Variants in SPOCK3 observed in about 807,000 individuals in gnomAD.
SPOCK3 encodes testican-3.
A neutral mutation model predicts 56.6 loss-of-function variants in SPOCK3; 30 were observed. The observed-to-expected ratio is 0.53, with a 90% confidence interval of 0.40 to 0.72. The LOEUF is 0.72. SPOCK3 is among the 30% of genes least tolerant of loss of function. The pLI is 0.00. For missense variants in SPOCK3, 527 were observed against 530.0 expected (o/e 0.99, Z 0.06); for synonymous variants, 196 against 183.3 (o/e 1.07, Z -0.56).
chr4:166,927,409 G>A (rs779701334), intron 4 of SPOCK3, among the ~76,000 whole-genome samples: 4 of 152,150 alleles, frequency 2.6e-5, no homozygotes, highest in Non-Finnish European at 4.4e-5. Flanking sequence ...CTGCCACCAC[G>A]TAAGGAGTGC....
chr4:166,823,024 A>C (rs62353201), intron 6 of SPOCK3, among the ~76,000 whole-genome samples: 10,844 of 152,156 alleles, frequency 0.071, 511 homozygotes, highest in Non-Finnish European at 0.1. Flanking sequence ...ATGTGACTGG[A>C]GTTGATATTC....
chr4:166,989,688 C>T (rs200553998), intron 4 of SPOCK3, among the ~76,000 whole-genome samples: 6 of 152,206 alleles, frequency 3.9e-5, no homozygotes, highest in Admixed American at 6.6e-5. Context: ...TCCCATCACA[C>T]GCCTCTATTA....
intron 4 of SPOCK3, among the ~76,000 whole-genome samples, chr4:166,950,105 T>C (rs1467160257): frequency 1.3e-5 from 2 of 151,028 alleles, no homozygotes; most frequent in African/African-American, 4.9e-5. Context: ...TAAATGTAAA[T>C]GGACTAAATG....
chr4:167,109,974 T>G (rs564607208), intron 2 of SPOCK3, among the ~76,000 whole-genome samples: 1 of 152,160 alleles, frequency 6.6e-6, no homozygotes, highest in Admixed American at 6.6e-5. Context: ...TAGCCTGAAC[T>G]TACATTTCTT....
intron 8 of SPOCK3, among the ~76,000 whole-genome samples, chr4:166,743,305 G>T (rs1172118006): frequency 6.6e-6 from 1 of 151,862 alleles, no homozygotes; most frequent in Admixed American, 6.6e-5. Context: ...TAATTTAAAT[G>T]TTTTTAAAAT....
chr4:167,171,903 A>AC (rs1052589699), intron 2 of SPOCK3, among the ~76,000 whole-genome samples: 62 of 151,418 alleles, frequency 4.1e-4, no homozygotes, highest in African/African-American at 1.5e-3. Flanking sequence ...GAAGATTACC[A>AC]CCCCCCACTC....
intron 5 of SPOCK3, among the ~76,000 whole-genome samples, chr4:166,906,231 A>T (rs1336838191): frequency 6.6e-6 from 1 of 152,124 alleles, no homozygotes; most frequent in Non-Finnish European, 1.5e-5. Context: ...TACTAAAGAC[A>T]GAAACAGACC....
At chr4:167,037,130 C>G (rs1402656407) in intron 3 of SPOCK3, among the ~76,000 whole-genome samples, 1 of 152,112 alleles carries the variant, frequency 6.6e-6, no homozygotes, top group Non-Finnish European at 1.5e-5. Context: ...TTGCCATCCT[C>G]AAAAGTAGGG....
chr4:167,217,554 C>A (rs890404131), intron 2 of SPOCK3, among the ~76,000 whole-genome samples: 1 of 151,912 alleles, frequency 6.6e-6, no homozygotes, highest in African/African-American at 2.4e-5. Flanking sequence ...GGTATCTCTC[C>A]TGGTGGGGGT....
At chr4:166,841,422 T>C (rs1345519682) in intron 6 of SPOCK3, among the ~76,000 whole-genome samples, 1 of 152,138 alleles carries the variant, frequency 6.6e-6, no homozygotes, top group Non-Finnish European at 1.5e-5. Context: ...CAATAATTTT[T>C]AAAAAAATTT....
chr4:166,749,034 T>G (rs1736017941), intron 8 of SPOCK3, among the ~76,000 whole-genome samples: 1 of 137,412 alleles, frequency 7.3e-6, no homozygotes, highest in Non-Finnish European at 1.5e-5. Context: ...TTTACACTGT[T>G]GGTGGGACTG....
intron 4 of SPOCK3, among the ~76,000 whole-genome samples, chr4:166,956,500 A>C (rs1484875380): frequency 6.6e-6 from 1 of 152,172 alleles, no homozygotes; most frequent in Non-Finnish European, 1.5e-5. Context: ...AACTCTGGAC[A>C]AAGGGAGCAT....
intron 6 of SPOCK3, among the ~76,000 whole-genome samples, chr4:166,843,005 C>A (rs528835372): frequency 6.6e-6 from 1 of 152,210 alleles, no homozygotes; most frequent in Non-Finnish European, 1.5e-5. Flanking sequence ...AGAATTCGAG[C>A]GTGTCCCCAG....
chr4:166,868,933 A>C (rs1269357301), intron 6 of SPOCK3, among the ~76,000 whole-genome samples: 1 of 152,122 alleles, frequency 6.6e-6, no homozygotes, highest in African/African-American at 2.4e-5. Flanking sequence ...GCTTCAACGA[A>C]ATTTATAGTT....
At chr4:166,961,530 A>G (rs1744146401) in intron 4 of SPOCK3, among the ~76,000 whole-genome samples, 1 of 150,364 alleles carries the variant, frequency 6.7e-6, no homozygotes, top group Non-Finnish European at 1.5e-5. Flanking sequence ...CCAAGATGTC[A>G]TTTCCTTTTA....
chr4:166,882,382 A>T lies in SPOCK3; in HGVS notation c.589+6748T>A, dbSNP rs554010518. Reference sequence around the variant, plus strand: ...AGTTTCTGATTTCATCTTCTGGCCAAACCACACTGTACCATGGTGCTGTCT... The same window carrying T: ...AGTTTCTGATTTCATCTTCTGGCCATACCACACTGTACCATGGTGCTGTCT... On this transcript the variant is annotated intron_variant, in intron 6 of 10. Coordinates refer to ENST00000357545, the MANE Select transcript of SPOCK3 (RefSeq NM_001040159.2). Among the ~76,000 whole-genome samples the T allele has an allele frequency of 8.6e-4, 131 of 152,310 alleles. 3 individuals are homozygous for T. In the South Asian group the frequency reaches 0.025, roughly 29 times the overall value.
chr4:167,186,504 G>A (rs919934325), intron 2 of SPOCK3, among the ~76,000 whole-genome samples: 16 of 151,810 alleles, frequency 1.1e-4, no homozygotes, highest in Admixed American at 9.2e-4. Flanking sequence ...GTGGGCGCCT[G>A]TAATCCCAGC....
chr4:167,026,592 T>C (rs1463876447), intron 3 of SPOCK3, among the ~76,000 whole-genome samples: 6 of 151,950 alleles, frequency 3.9e-5, no homozygotes, highest in African/African-American at 1.4e-4. Context: ...AGTAATTGAA[T>C]TATTAAATTT....
chr4:167,157,175 A>C (rs1207367848), intron 2 of SPOCK3, among the ~76,000 whole-genome samples: 1 of 152,082 alleles, frequency 6.6e-6, no homozygotes. Flanking sequence ...AGAAGAAGAA[A>C]GCGGGAGAAA....
Sources: allele counts gnomAD v4.1 joint callset (sites outside exome capture counted in the v4.1 genomes callset), GRCh38; gene constraint gnomAD v4.1.1; transcripts MANE v1.5; gene names NCBI Gene and HGNC (gene_info 2026-07-23, HGNC 2026-07-21).